Variants in PTPRN2 observed in about 807,000 individuals in gnomAD.
PTPRN2 encodes the protein protein tyrosine phosphatase receptor type N2.
Under a neutral mutation model 118.8 loss-of-function variants are expected in PTPRN2, and 74 were observed. The ratio of observed to expected loss-of-function variants is 0.62; its 90% CI spans 0.52 to 0.76. The LOEUF (loss-of-function observed/expected upper bound fraction) is 0.76, where lower values mean the gene tolerates loss of function less well. Among genes scored for constraint, PTPRN2 ranks in the 30% least tolerant of loss-of-function variants. The pLI, the probability that PTPRN2 is intolerant of heterozygous loss-of-function variation, is 0.00. For synonymous variants in PTPRN2, 641 were observed against 608.0 expected, an observed-to-expected ratio of 1.05 and a Z score of -0.80; for missense variants, 1,481 against 1,394.4, an observed-to-expected ratio of 1.06 and a Z score of -0.99.
At chr7:157,542,103 G>C (rs188383532) in intron 22 of PTPRN2, among the ~76,000 whole-genome samples, 2 of 152,302 alleles carry the variant, frequency 1.3e-5, no homozygotes, top group East Asian at 3.9e-4. Flanking sequence ...TCTGCTCCTC[G>C]AAATTACGTG....
At chr7:158,376,593 G>T (rs368923899) in intron 2 of PTPRN2, among the ~76,000 whole-genome samples, 2 of 67,592 alleles carry the variant, frequency 3.0e-5, no homozygotes, top group East Asian at 5.2e-4. Flanking sequence ...CTCTCCCACA[G>T]CCCTGTCACA....
chr7:157,635,622 C>A (rs67088129), intron 14 of PTPRN2, among the ~76,000 whole-genome samples: 38,490 of 152,184 alleles, frequency 0.25, 5,784 homozygotes, highest in African/African-American at 0.41. Flanking sequence ...TTATTGTCTT[C>A]GCCTCAGCTC....
At chr7:158,306,275 C>G (rs900563644) in intron 3 of PTPRN2, among the ~76,000 whole-genome samples, 2 of 152,208 alleles carry the variant, frequency 1.3e-5, no homozygotes, top group African/African-American at 4.8e-5. Flanking sequence ...AAAGCTCTGA[C>G]ACGATCCTTG....
chr7:158,272,254 C>T (rs551653394), intron 3 of PTPRN2, among the ~76,000 whole-genome samples: 200 of 152,272 alleles, frequency 1.3e-3, no homozygotes, highest in African/African-American at 4.0e-3. Flanking sequence ...TTCGGAGAGC[C>T]GCGTCTCCGG....
intron 6 of PTPRN2, among the ~76,000 whole-genome samples, chr7:158,160,377 C>G (rs1822251793): frequency 6.6e-6 from 1 of 152,210 alleles, no homozygotes; most frequent in South Asian, 2.1e-4. Context: ...CTGGGGCAGA[C>G]TTTCCTTCTG....
chr7:157,540,668 A>G lies in PTPRN2; in HGVS notation c.*46T>C. 6 of 1,438,550 alleles carry G rather than the reference A, an allele frequency of 4.2e-6. No homozygotes were observed. Among genetic ancestry groups the G allele is most frequent in the Non-Finnish European group, 5.7e-6 (6 of 1,047,898 alleles). 89.1% of individuals were successfully genotyped at this position (1,438,550 alleles called of 1,614,324 possible). A position where few individuals can be genotyped will look rare whatever the true frequency, so the allele number is the denominator to read the frequency against. ...TTAAAGTCAGATCATGATTCCTGAC[A>G]ACATCCGTGGGGTGGGGGCTCCCCT... On this transcript the variant is annotated 3_prime_UTR_variant, in exon 23 of 23. Transcript: ENST00000389418.
intron 14 of PTPRN2, among the ~76,000 whole-genome samples, chr7:157,648,375 G>A (rs1318315297): frequency 3.1e-5 from 3 of 96,074 alleles, no homozygotes; most frequent in Non-Finnish European, 4.2e-5. Flanking sequence ...CCCATCCAGT[G>A]TGCACTGAAC....
intron 3 of PTPRN2, among the ~76,000 whole-genome samples, chr7:158,261,018 T>C (rs1797361702): frequency 6.6e-6 from 1 of 152,036 alleles, no homozygotes; most frequent in South Asian, 2.1e-4. Context: ...CTGGGCACAA[T>C]AGATACAGTG....
chr7:158,060,265 A>G (rs527820552), intron 11 of PTPRN2, among the ~76,000 whole-genome samples: 3 of 128,184 alleles, frequency 2.3e-5, no homozygotes, highest in Admixed American at 1.5e-4. Flanking sequence ...CTGCAGCCAC[A>G]CTCCATCTGC....
At chr7:158,095,044 G>A (rs548826987) in intron 10 of PTPRN2, among the ~76,000 whole-genome samples, 3 of 152,204 alleles carry the variant, frequency 2.0e-5, no homozygotes, top group East Asian at 1.9e-4. Flanking sequence ...GGAGCCGCTG[G>A]GTCCTGTAAC....
chr7:158,151,156 T>C (rs1821045524), intron 6 of PTPRN2, among the ~76,000 whole-genome samples: 1 of 67,980 alleles, frequency 1.5e-5, no homozygotes. Flanking sequence ...TGCCTCTCCC[T>C]GCCCACACCG....
rs902597223 is a variant in PTPRN2, at chr7:158,382,481, G to A, written c.164-65549C>T. ...AAAGAAATGCATAAATCTGTCTTCTGCAAAAACAATTTTTCCAGCCCCATT... is the reference window on the plus strand; with the variant it reads ...AAAGAAATGCATAAATCTGTCTTCTACAAAAACAATTTTTCCAGCCCCATT... On this transcript the variant is annotated intron_variant, in intron 2 of 22. Coordinates refer to ENST00000389418, the MANE Select transcript of PTPRN2 (RefSeq NM_002847.5). 1.3e-5 allele frequency among the ~76,000 whole-genome samples: 2 copies of A among 152,296 alleles called. 1 individual carries two copies. Among genetic ancestry groups the A allele is most frequent in the Admixed American group, 1.3e-4 (2 of 15,296 alleles).
intron 2 of PTPRN2, among the ~76,000 whole-genome samples, chr7:158,395,535 T>C (rs1420411794): frequency 1.1e-4 from 1 of 9,376 alleles, no homozygotes; most frequent in African/African-American, 4.8e-4. Context: ...GGGTGAGGGG[T>C]GAGGGGTGAG....
At chr7:158,146,975 CGT>C (rs1329522354) in intron 6 of PTPRN2, among the ~76,000 whole-genome samples, 39 of 123,978 alleles carry the variant, frequency 3.1e-4, no homozygotes, top group African/African-American at 1.1e-3. Context: ...TCTCACGCCA[CGT>C]GTCTTTCCCC....
At chr7:157,809,791 C>A (rs1243615988) in intron 12 of PTPRN2, among the ~76,000 whole-genome samples, 1 of 152,174 alleles carries the variant, frequency 6.6e-6, no homozygotes, top group Non-Finnish European at 1.5e-5. Flanking sequence ...TCAGACAATT[C>A]ATTTCTGTGG....
chr7:158,304,226 C>G (rs917617603), intron 3 of PTPRN2, among the ~76,000 whole-genome samples: 14 of 147,580 alleles, frequency 9.5e-5, no homozygotes, highest in African/African-American at 3.3e-4. Context: ...AAGACGTACA[C>G]AGGCTTGGAT....
chr7:158,107,000 A>G (rs1409664356), intron 10 of PTPRN2, among the ~76,000 whole-genome samples: 1 of 152,124 alleles, frequency 6.6e-6, no homozygotes, highest in Non-Finnish European at 1.5e-5. Context: ...GTTTCCCTAG[A>G]GTTAATATTT....
intron 2 of PTPRN2, among the ~76,000 whole-genome samples, chr7:158,434,914 T>C (rs1037473351): frequency 2.0e-5 from 3 of 152,124 alleles, no homozygotes; most frequent in Non-Finnish European, 4.4e-5. Flanking sequence ...CATAACAAAA[T>C]TGGACCGTTA....
At position 158,133,910 on chromosome 7, in the gene PTPRN2, A is replaced by G. The variant is rs138693922; in HGVS notation, c.1323T>C (p.Thr441=). 154 of 1,613,978 alleles carry G rather than the reference A, an allele frequency of 9.5e-5. 1 individual carries two copies. The African/African-American group carries it at 1.5e-3, about 16-fold the overall frequency. Reference sequence around the variant, plus strand: ...GGCTCTTGACGTTCTCCACTCCGGCAGTCTCCTCTTCTGAAGACAGGGAAG... The same window carrying G: ...GGCTCTTGACGTTCTCCACTCCGGCGGTCTCCTCTTCTGAAGACAGGGAAG... ...PESSLSSEEE[T]AGVENVKSQT... The change falls in exon 9 of 23, where the codon ACT becomes ACC. Residue 441 remains threonine (T), a synonymous_variant. Coordinates refer to ENST00000389418, the MANE Select transcript of PTPRN2 (RefSeq NM_002847.5).
Sources: gnomAD v4.1 joint callset for allele counts (sites outside exome capture counted in the v4.1 genomes callset) on GRCh38, gnomAD v4.1.1 for gene constraint, MANE v1.5 for transcripts, NCBI Gene and HGNC (gene_info 2026-07-23, HGNC 2026-07-21) for gene names.